The following RFX3 variants were observed in gnomAD, a reference collection of about 807,000 sequenced individuals.
RFX3 encodes transcription factor RFX3.
In RFX3, 14 loss-of-function variants were observed where a neutral mutation model predicts 98.6. The observed-to-expected ratio is 0.14, with a 90% CI of 0.09 to 0.22. The LOEUF is 0.22. Among genes scored for constraint, RFX3 ranks in the 10% least tolerant of loss-of-function variants. The pLI, the probability that RFX3 is intolerant of heterozygous loss-of-function variation, is 1.00. For missense variants in RFX3, 639 were observed against 926.9 expected (o/e 0.69, Z 4.03); for synonymous variants, 383 against 328.4 (o/e 1.17, Z -1.80).
At chr9:3,449,043 A>G (rs1164717208) in intron 1 of RFX3, among the ~76,000 whole-genome samples, 2 of 152,062 alleles carry the variant, frequency 1.3e-5, no homozygotes, top group Non-Finnish European at 2.9e-5. Flanking sequence ...TTTACCCCCA[A>G]TTAGTTGCTA....
At position 3,328,607 on chromosome 9, in the gene RFX3, G is replaced by A. The variant is rs575440566; in HGVS notation, c.474+1652C>T. Among the ~76,000 whole-genome samples the A allele has an allele frequency of 7.9e-4, 120 of 152,148 alleles. 2 individuals are homozygous for A. Among genetic ancestry groups the A allele is most frequent in the African/African-American group, 2.1e-3 (88 of 41,542 alleles). On this transcript the variant is annotated intron_variant, in intron 4 of 16. Coordinates refer to ENST00000617270, the MANE Select transcript of RFX3 (RefSeq NM_001282116.2). ...AAAAAATTACAAAAAGGAACTCTCC[G>A]CTCAGAACAGCTAGTCATCTGTTCT...
intron 15 of RFX3, among the ~76,000 whole-genome samples, chr9:3,246,134 G>A (rs968382710): frequency 6.6e-6 from 1 of 152,124 alleles, no homozygotes; most frequent in African/African-American, 2.4e-5. Context: ...AATAATGGAT[G>A]AGCATAGGCA....
intron 1 of RFX3, among the ~76,000 whole-genome samples, chr9:3,410,208 T>TGTGTGTGTGG (rs1387538526): frequency 6.7e-6 from 1 of 149,182 alleles, no homozygotes; most frequent in Non-Finnish European, 1.5e-5. Flanking sequence ...TGTGTGTGTG[T>TGTGTGTGTGG]GGCGCTATCA....
Position 3,293,068 on chromosome 9 carries a change from A to T in RFX3, c.731+9T>A, listed in dbSNP as rs1827592542. ...AGATTAGTTTATGATCTTATTTTTCAATACTAACCTAGTGCCCAATCTCCT... is the reference window on the plus strand; with the variant it reads ...AGATTAGTTTATGATCTTATTTTTCTATACTAACCTAGTGCCCAATCTCCT... On this transcript the variant is annotated intron_variant, in intron 6 of 16. Coordinates refer to ENST00000617270, the MANE Select transcript of RFX3 (RefSeq NM_001282116.2). 6.3e-7 allele frequency: 1 copy of T among 1,593,436 alleles called. No individual in the cohort carries two copies. The highest frequency in any genetic ancestry group is 8.5e-7 in the Non-Finnish European group (1 of 1,170,208).
intron 1 of RFX3, among the ~76,000 whole-genome samples, chr9:3,396,392 A>G (rs1355133760): frequency 6.6e-6 from 1 of 152,168 alleles, no homozygotes; most frequent in African/African-American, 2.4e-5. Context: ...ATGGCTGCAT[A>G]GTATTCCATG....
intron 1 of RFX3, among the ~76,000 whole-genome samples, chr9:3,495,557 A>G (rs1851048476): frequency 6.6e-6 from 1 of 152,140 alleles, no homozygotes; most frequent in African/African-American, 2.4e-5. Flanking sequence ...GAAAAAAATG[A>G]TTAACTTAAA....
intron 1 of RFX3, 54 bp from the exon 2 acceptor site, chr9:3,395,650 G>C (rs1840780362): frequency 6.3e-7 from 1 of 1,584,054 alleles, no homozygotes; most frequent in Non-Finnish European, 8.6e-7. Context: ...TGCATGACTA[G>C]CTTCCTTACA....
At chr9:3,326,166 A>G (rs539226845) in intron 4 of RFX3, among the ~76,000 whole-genome samples, 3 of 152,234 alleles carry the variant, frequency 2.0e-5, no homozygotes, top group South Asian at 4.1e-4. Context: ...ATAGATGTAT[A>G]TATCTATATA....
chr9:3,237,972 C>CAAAAA (rs760381489), intron 15 of RFX3, among the ~76,000 whole-genome samples: 1 of 96,756 alleles, frequency 1.0e-5, no homozygotes, highest in African/African-American at 3.6e-5. Flanking sequence ...GACCCTGTCT[C>CAAAAA]AAAAAAAAAA....
intron 5 of RFX3, among the ~76,000 whole-genome samples, chr9:3,295,361 C>A (rs1336087570): frequency 6.6e-6 from 1 of 151,912 alleles, no homozygotes; most frequent in Non-Finnish European, 1.5e-5. Flanking sequence ...GTTATGGCAG[C>A]CCTAGTGAGC....
intron 2 of RFX3, among the ~76,000 whole-genome samples, chr9:3,374,552 T>C (rs1587388261): frequency 1.3e-5 from 2 of 152,316 alleles, no homozygotes; most frequent in African/African-American, 4.8e-5. Context: ...GAAATTCTGA[T>C]ACATGCTACA....
chr9:3,374,952 T>G (rs1205574817), intron 2 of RFX3, among the ~76,000 whole-genome samples: 1 of 151,740 alleles, frequency 6.6e-6, no homozygotes, highest in Non-Finnish European at 1.5e-5. Context: ...AGTTACGTAA[T>G]TTATCATTGT....
At chr9:3,500,040 G>C (rs1030711065) in intron 1 of RFX3, among the ~76,000 whole-genome samples, 4 of 152,028 alleles carry the variant, frequency 2.6e-5, no homozygotes, top group African/African-American at 9.7e-5. Context: ...CACACTACAG[G>C]AAGCAGAGTA....
chr9:3,381,032 T>C (rs907547949), intron 2 of RFX3, among the ~76,000 whole-genome samples: 1 of 152,068 alleles, frequency 6.6e-6, no homozygotes, highest in African/African-American at 2.4e-5. Context: ...TAATACCTAA[T>C]TAAAATAATT....
rs146048384 is a variant in RFX3, at chr9:3,266,576, C to T, written c.1358-271G>A. Among the ~76,000 whole-genome samples, 694 of 152,056 alleles carry T rather than the reference C, an allele frequency of 4.6e-3. 1 individual carries two copies. Among genetic ancestry groups the T allele is most frequent in the Middle Eastern group, 6.8e-3 (2 of 294 alleles). On this transcript the variant is annotated intron_variant, in intron 11 of 16. Transcript: ENST00000617270. ...AGGATTCAAACATTTTTGCTTACAGCAACATATACCAGTTGTGAATATACT... is the reference window on the plus strand; with the variant it reads ...AGGATTCAAACATTTTTGCTTACAGTAACATATACCAGTTGTGAATATACT...
intron 10 of RFX3, 160 bp from the exon 11 acceptor site, chr9:3,270,685 G>C (rs1228312100): frequency 4.2e-6 from 3 of 710,418 alleles, no homozygotes; most frequent in Non-Finnish European, 6.9e-6. Flanking sequence ...GAGAGAGACA[G>C]ACAGATATAT....
In RFX3 at chr9:3,377,397, G is replaced by C. The variant is rs531009745; in HGVS notation, c.117+18075C>G. Among the ~76,000 whole-genome samples, 169 of 152,162 alleles carry C rather than the reference G, an allele frequency of 1.1e-3. 1 individual carries two copies. Among genetic ancestry groups the C allele is most frequent in the African/African-American group, 3.4e-3 (142 of 41,512 alleles). On this transcript the variant is annotated intron_variant, in intron 2 of 16. Coordinates refer to ENST00000617270, the MANE Select transcript of RFX3 (RefSeq NM_001282116.2). ...CTCATAGGTGGGAATTGAACAATGA[G>C]AACACTTGGACACAGGAAGGGGAAC...
In RFX3 at chr9:3,219,106, C is replaced by T. The variant is rs974967935; in HGVS notation, c.*5936G>A. 2 of 151,992 alleles carry T rather than the reference C, an allele frequency of 1.3e-5. No homozygotes were observed. Among genetic ancestry groups the T allele is most frequent in the Non-Finnish European group, 1.5e-5 (1 of 67,994 alleles). 9.4% of individuals were successfully genotyped at this position (151,992 alleles called of 1,614,324 possible). Reference sequence around the variant, plus strand: ...TCTGTAACCAATGCATTGGTCACCACCATAGGTCCAAATTGATGATGGAAA... The same window carrying T: ...TCTGTAACCAATGCATTGGTCACCATCATAGGTCCAAATTGATGATGGAAA... On this transcript the variant is annotated 3_prime_UTR_variant, in exon 17 of 17. Coordinates refer to ENST00000617270, the MANE Select transcript of RFX3 (RefSeq NM_001282116.2).
intron 1 of RFX3, among the ~76,000 whole-genome samples, chr9:3,415,860 TAGA>T (rs1407209644): frequency 6.6e-6 from 1 of 152,164 alleles, no homozygotes; most frequent in Non-Finnish European, 1.5e-5. Flanking sequence ...TATCAATTCC[TAGA>T]AGGTGGCGGC....
Sources: gnomAD v4.1 joint callset for allele counts (sites outside exome capture counted in the v4.1 genomes callset) on GRCh38, gnomAD v4.1.1 for gene constraint, MANE v1.5 for transcripts, NCBI Gene and HGNC (gene_info 2026-07-23, HGNC 2026-07-21) for gene names.